SDK1: variants seen among roughly 807,000 people sequenced by gnomAD.
SDK1 encodes protein sidekick-1.
SDK1 carries 157 observed loss-of-function variants against 245.5 expected under a neutral mutation model. The observed-to-expected ratio is 0.64, with a 90% CI of 0.56 to 0.73. SDK1 has a LOEUF of 0.73. SDK1 is among the 30% of genes least tolerant of loss of function. The probability of loss-of-function intolerance (pLI) is 0.00; values close to 1 mark genes in which losing one functional copy is unlikely to be tolerated. For missense variants in SDK1, 3,583 were observed against 3,002.3 expected, an observed-to-expected ratio of 1.19 and a Z score of -4.52; for synonymous variants, 1,647 against 1,278.5, an observed-to-expected ratio of 1.29 and a Z score of -6.15.
chr7:3,799,768 T>A (rs1256079232), intron 4 of SDK1, among the ~76,000 whole-genome samples: 3 of 151,786 alleles, frequency 2.0e-5, no homozygotes, highest in Admixed American at 2.0e-4. Context: ...TCGTGACTTC[T>A]CTCTACCCTT....
At chr7:4,119,843 G>C (rs1390620130) in intron 25 of SDK1, among the ~76,000 whole-genome samples, 1 of 148,950 alleles carries the variant, frequency 6.7e-6, no homozygotes, top group African/African-American at 2.5e-5. Flanking sequence ...AAGAGAGAAA[G>C]ATAGAGGGCT....
intron 1 of SDK1, among the ~76,000 whole-genome samples, chr7:3,400,585 A>G (rs1413018930): frequency 6.6e-6 from 1 of 152,182 alleles, no homozygotes; most frequent in Non-Finnish European, 1.5e-5. Flanking sequence ...ATAGATAAAC[A>G]TAAAACTATA....
chr7:4,060,822 G>C (rs1342795008), intron 19 of SDK1, among the ~76,000 whole-genome samples: 1 of 152,062 alleles, frequency 6.6e-6, no homozygotes, highest in Non-Finnish European at 1.5e-5. Context: ...TTTTGTATAA[G>C]GTGTAAGGAG....
At chr7:3,740,362 C>T (rs1479086870) in intron 4 of SDK1, among the ~76,000 whole-genome samples, 2 of 152,154 alleles carry the variant, frequency 1.3e-5, no homozygotes, top group Non-Finnish European at 2.9e-5. Context: ...TGTCATTCTC[C>T]AGTTTTTCCA....
chr7:3,802,244 G>C (rs998938213), intron 4 of SDK1, among the ~76,000 whole-genome samples: 1 of 152,120 alleles, frequency 6.6e-6, no homozygotes, highest in African/African-American at 2.4e-5. Context: ...CCACAATACA[G>C]TGCTGGGCTG....
At chr7:4,245,252 C>T (rs1014735179) in intron 43 of SDK1, among the ~76,000 whole-genome samples, 9 of 152,162 alleles carry the variant, frequency 5.9e-5, no homozygotes, top group Non-Finnish European at 1.3e-4. Context: ...CTGTAGGAGA[C>T]AATTCCCACT....
At chr7:3,324,193 T>A (rs1779887251) in intron 1 of SDK1, among the ~76,000 whole-genome samples, 1 of 152,192 alleles carries the variant, frequency 6.6e-6, no homozygotes, top group Non-Finnish European at 1.5e-5. Context: ...TCTTTTAGCA[T>A]TTGAAATTGA....
At chr7:3,843,758 T>G (rs1780213573) in intron 5 of SDK1, among the ~76,000 whole-genome samples, 2 of 152,170 alleles carry the variant, frequency 1.3e-5, no homozygotes, top group South Asian at 4.1e-4. Flanking sequence ...GGCTGCCTGG[T>G]TCTGAGCCTC....
rs184117626 is a variant in SDK1, at chr7:3,804,341, A to T, written c.714-17109A>T. Among the ~76,000 whole-genome samples the T allele has an allele frequency of 1.1e-3, 166 of 152,294 alleles. 2 individuals are homozygous for T. The highest frequency in any genetic ancestry group is 3.8e-3 in the African/African-American group (159 of 41,574). On this transcript the variant is annotated intron_variant, in intron 4 of 44. Transcript: ENST00000404826. Reference sequence around the variant, plus strand: ...AGTTGCTTTGGTACCATTGTTAAAAAGACTTCCCTTCCTTCACAGATTGGT... The same window carrying T: ...AGTTGCTTTGGTACCATTGTTAAAATGACTTCCCTTCCTTCACAGATTGGT...
At chr7:3,971,779 C>T (rs1206389686) in intron 12 of SDK1, among the ~76,000 whole-genome samples, 3 of 152,176 alleles carry the variant, frequency 2.0e-5, no homozygotes, top group Non-Finnish European at 4.4e-5. Flanking sequence ...GAGCTATGTT[C>T]CACTTCATGA....
At chr7:4,190,161 C>G (rs1364736359) in intron 35 of SDK1, among the ~76,000 whole-genome samples, 1 of 152,052 alleles carries the variant, frequency 6.6e-6, no homozygotes, top group African/African-American at 2.4e-5. Flanking sequence ...ACGTCGCAAC[C>G]CCGACTCCAC....
chr7:4,125,199 A>T (rs1247002328), intron 25 of SDK1, among the ~76,000 whole-genome samples: 1 of 146,200 alleles, frequency 6.8e-6, no homozygotes, highest in Non-Finnish European at 1.5e-5. Flanking sequence ...TGATGGATGG[A>T]TGGATGGATG....
At chr7:4,225,838 G>A (rs1408128479) in intron 40 of SDK1, among the ~76,000 whole-genome samples, 1 of 152,044 alleles carries the variant, frequency 6.6e-6, no homozygotes, top group African/African-American at 2.4e-5. Flanking sequence ...AGCTTTTTCG[G>A]CGAGGGCTGA....
intron 5 of SDK1, among the ~76,000 whole-genome samples, chr7:3,944,024 G>T (rs1203001969): frequency 6.6e-6 from 1 of 152,206 alleles, no homozygotes; most frequent in Non-Finnish European, 1.5e-5. Context: ...CCTGGGAAAC[G>T]TTCAGTTGAG....
chr7:3,836,479 TATC>T (rs1373684955), intron 5 of SDK1, among the ~76,000 whole-genome samples: 10 of 152,328 alleles, frequency 6.6e-5, no homozygotes, highest in Non-Finnish European at 1.3e-4. Context: ...GCATTGAGGA[TATC>T]ATGATTGAGG....
chr7:3,902,764 G>A (rs1381195595), intron 5 of SDK1, among the ~76,000 whole-genome samples: 2 of 152,192 alleles, frequency 1.3e-5, no homozygotes, highest in Non-Finnish European at 2.9e-5. Flanking sequence ...TTCATAAAGA[G>A]CTGTTTTCAA....
intron 1 of SDK1, among the ~76,000 whole-genome samples, chr7:3,346,335 C>T (rs553060057): frequency 3.9e-5 from 6 of 152,102 alleles, no homozygotes; most frequent in South Asian, 4.2e-4. Flanking sequence ...TAGTGGAGCT[C>T]CTGTGAGCCT....
chr7:3,644,857 T>C (rs181049881), intron 4 of SDK1, among the ~76,000 whole-genome samples: 10 of 149,694 alleles, frequency 6.7e-5, no homozygotes, highest in Admixed American at 6.0e-4. Flanking sequence ...ATAAATATTC[T>C]AGAAGTTTCC....
chr7:3,627,423 C>T (rs1782155494), intron 2 of SDK1, among the ~76,000 whole-genome samples: 1 of 152,158 alleles, frequency 6.6e-6, no homozygotes, highest in African/African-American at 2.4e-5. Context: ...ATTCATGCTT[C>T]CAGATTGCGG....
Sources: gnomAD v4.1 joint callset for allele counts (sites outside exome capture counted in the v4.1 genomes callset) on GRCh38, gnomAD v4.1.1 for gene constraint, MANE v1.5 for transcripts, NCBI Gene and HGNC (gene_info 2026-07-23, HGNC 2026-07-21) for gene names.